Variants in RALGAPA1 observed in about 807,000 individuals in gnomAD.
The protein encoded by RALGAPA1 is Ral GTPase activating protein catalytic subunit alpha 1.
Under a neutral mutation model 269.6 loss-of-function variants are expected in RALGAPA1, and 52 were observed. That is an observed-to-expected ratio of 0.19 (90% CI 0.15 to 0.24). The LOEUF (loss-of-function observed/expected upper bound fraction) is 0.24. RALGAPA1 is among the 10% of genes least tolerant of loss of function. RALGAPA1 has a pLI of 1.00. For missense variants in RALGAPA1, 1,917 were observed against 3,013.9 expected (o/e 0.64, Z 8.52); for synonymous variants, 817 against 1,008.3 (o/e 0.81, Z 3.60).
At chr14:35,569,329 T>C (rs999919715) in intron 39 of RALGAPA1, among the ~76,000 whole-genome samples, 25 of 152,194 alleles carry the variant, frequency 1.6e-4, no homozygotes, top group Admixed American at 1.4e-3. Context: ...AAAAATTATA[T>C]GAAAAACATA....
At chr14:35,633,580 A>G (rs1402710265) in intron 33 of RALGAPA1, among the ~76,000 whole-genome samples, 1 of 152,216 alleles carries the variant, frequency 6.6e-6, no homozygotes, top group African/African-American at 2.4e-5. Flanking sequence ...CTGTTACTCA[A>G]TACTGCTGTT....
At chr14:35,571,231 G>C (rs900365413) in intron 38 of RALGAPA1, among the ~76,000 whole-genome samples, 2 of 152,102 alleles carry the variant, frequency 1.3e-5, no homozygotes, top group Non-Finnish European at 1.5e-5. Context: ...TTTTTGAGGT[G>C]ACTCACTCAT....
At position 35,627,574 on chromosome 14, in the gene RALGAPA1, C is replaced by T. The variant is rs931032573; in HGVS notation, c.6373G>A (p.Val2125Ile). Residue 2125 changes from valine to isoleucine, a missense_variant, in exon 34 of 42, where the codon GTA becomes ATA. Around this residue, in one of 11 missense-constraint regions of RALGAPA1, gnomAD observed 346 missense variants for 566.1 expected, o/e 0.61. Coordinates refer to ENST00000680220, the MANE Select transcript of RALGAPA1 (RefSeq NM_001346249.2). ...DSAILYGPPP[V>I]SGLSEPTSFM... ...GATGTAGGTTCTGACAAGCCACTTA[C>T]AGGAGGTGGGCCATACAGTATAGCA... 3.2e-6 allele frequency: 5 copies of T among 1,574,326 alleles called. No homozygotes were observed. Among genetic ancestry groups the T allele is most frequent in the East Asian group, 4.5e-5 (2 of 44,728 alleles).
At chr14:35,650,224 A>C (rs1042319093) in intron 31 of RALGAPA1, among the ~76,000 whole-genome samples, 1 of 151,168 alleles carries the variant, frequency 6.6e-6, no homozygotes, top group Non-Finnish European at 1.5e-5. Flanking sequence ...CATCTCTACT[A>C]AAAATAAAAA....
chr14:35,618,395 C>T (rs1363960537), intron 35 of RALGAPA1, among the ~76,000 whole-genome samples: 1 of 152,052 alleles, frequency 6.6e-6, no homozygotes, highest in East Asian at 1.9e-4. Context: ...TGAATAGATG[C>T]TGAAAATAAT....
intron 21 of RALGAPA1, among the ~76,000 whole-genome samples, chr14:35,680,653 C>T (rs1479905233): frequency 6.6e-6 from 1 of 151,472 alleles, no homozygotes; most frequent in African/African-American, 2.4e-5. Flanking sequence ...CTCGCTTTGT[C>T]CCCCAGGCTG....
At chr14:35,795,207 C>T (rs2076474587) in intron 1 of RALGAPA1, among the ~76,000 whole-genome samples, 5 of 152,024 alleles carry the variant, frequency 3.3e-5, no homozygotes, top group Admixed American at 6.6e-5. Flanking sequence ...GCTTCTAAGT[C>T]GTAGTGAGGA....
At position 35,688,784 on chromosome 14, in the gene RALGAPA1, A is replaced by T; in HGVS notation, c.3627T>A (p.Pro1209=). Residue 1209 remains proline, a synonymous_variant, in exon 18 of 42, where the codon CCT becomes CCA. Coordinates refer to ENST00000680220, the MANE Select transcript of RALGAPA1 (RefSeq NM_001346249.2). The part of the protein sequence containing the change: ...STNSATELVK[P]GVYRPLDTLG... ...GTGTATCTAGAGGTCTGTACACACC[A>T]GGTTTTACTAGCTCTGTAGCACTAT... 1 of 1,415,988 alleles carries T rather than the reference A, an allele frequency of 7.1e-7. No homozygotes were observed. The highest frequency in any genetic ancestry group is 9.2e-7 in the Non-Finnish European group (1 of 1,089,644). 87.7% of individuals were successfully genotyped at this position (1,415,988 alleles called of 1,614,324 possible).
intron 7 of RALGAPA1, chr14:35,756,520 A>G (rs2073193173): frequency 1.1e-5 from 2 of 190,178 alleles, no homozygotes; most frequent in African/African-American, 4.7e-5. Flanking sequence ...AAGAGTGAAG[A>G]GTCTATTTTT....
chr14:35,808,030 CAA>C (rs750752965), intron 1 of RALGAPA1: 5 of 152,120 alleles, frequency 3.3e-5, no homozygotes, highest in Non-Finnish European at 5.9e-5. Flanking sequence ...ACTAAGTATT[CAA>C]AAGAGTCGAT....
At chr14:35,600,340 C>T (rs553099431) in intron 36 of RALGAPA1, among the ~76,000 whole-genome samples, 63 of 148,188 alleles carry the variant, frequency 4.3e-4, no homozygotes, top group African/African-American at 1.5e-3. Context: ...AAGCAATCCT[C>T]CCATCTCATC....
chr14:35,662,029 A>G (rs559855310), intron 27 of RALGAPA1, among the ~76,000 whole-genome samples: 9 of 152,330 alleles, frequency 5.9e-5, no homozygotes, highest in South Asian at 4.1e-4. Context: ...ATGTTCTAAT[A>G]TTGACTGTGA....
chr14:35,585,926 G>C (rs1156625279), intron 37 of RALGAPA1, among the ~76,000 whole-genome samples: 1 of 152,184 alleles, frequency 6.6e-6, no homozygotes, highest in Non-Finnish European at 1.5e-5. Context: ...GATTGTCTTG[G>C]CAATGCGGGC....
chr14:35,544,090 T>A (rs905423947), intron 41 of RALGAPA1, among the ~76,000 whole-genome samples: 1 of 152,116 alleles, frequency 6.6e-6, no homozygotes, highest in African/African-American at 2.4e-5. Flanking sequence ...AAGGAAAAAA[T>A]TGGGAGAATT....
Position 35,685,189 on chromosome 14 carries a change from T to G in RALGAPA1, c.4078-44A>C, listed in dbSNP as rs114355251. The stretch of plus-strand genomic sequence containing the variant: ...TTTTACCATTAAGAAAAAGCTTTTA[T>G]TCTCTTTAACCATCTGAAACCTTTA... On this transcript the variant is annotated intron_variant, in intron 19 of 41. Transcript: ENST00000680220. The G allele has an allele frequency of 2.5e-4, 373 of 1,506,406 alleles. 2 individuals carry two copies. In the African/African-American group the frequency reaches 4.2e-3, roughly 17 times the overall value. The allele number at this position is 1,506,406 out of a possible 1,614,324, so 93.3% of individuals were successfully genotyped here.
chr14:35,678,127 A>G, intron 21 of RALGAPA1, 25 bp from the exon 22 acceptor site: 2 of 1,592,552 alleles, frequency 1.3e-6, no homozygotes, highest in Non-Finnish European at 1.7e-6. Context: ...TCATAAAATT[A>G]CCATAAAGAG....
intron 12 of RALGAPA1, among the ~76,000 whole-genome samples, chr14:35,730,191 C>T (rs985333758): frequency 6.6e-6 from 1 of 151,994 alleles, no homozygotes; most frequent in Middle Eastern, 3.2e-3. Flanking sequence ...TTTAGAGAGC[C>T]GAGGGAAATA....
intron 7 of RALGAPA1, among the ~76,000 whole-genome samples, chr14:35,755,255 A>G (rs2073068294): frequency 6.6e-6 from 1 of 152,036 alleles, no homozygotes; most frequent in African/African-American, 2.4e-5. Flanking sequence ...TGGGAGGTTG[A>G]GGTGTCAGGA....
chr14:35,661,835 CT>C (rs1257094826), intron 27 of RALGAPA1, among the ~76,000 whole-genome samples: 1 of 152,080 alleles, frequency 6.6e-6, no homozygotes, highest in Non-Finnish European at 1.5e-5. Flanking sequence ...AGCTAAGACA[CT>C]GTACTTATCC....
Sources: gnomAD v4.1 joint callset for allele counts (sites outside exome capture counted in the v4.1 genomes callset) on GRCh38, gnomAD v4.1.1 for gene constraint, gnomAD v4.1.1 regional missense constraint, MANE v1.5 for transcripts, NCBI Gene and HGNC (gene_info 2026-07-23, HGNC 2026-07-21) for gene names.